Variants in ABCA5 observed in about 807,000 individuals in gnomAD.
ABCA5 encodes the protein ATP binding cassette subfamily A member 5, also known as cholesterol transporter ABCA5.
In ABCA5, 163 loss-of-function variants were observed where a neutral mutation model predicts 206.0. The observed-to-expected ratio is 0.79, with a 90% CI of 0.70 to 0.90. The LOEUF (loss-of-function observed/expected upper bound fraction) is 0.90. ABCA5 is among the 40% of genes least tolerant of loss of function. ABCA5 has a pLI of 0.00. For missense variants in ABCA5, 1,859 were observed against 1,912.9 expected, an observed-to-expected ratio of 0.97 and a Z score of 0.53; for synonymous variants, 609 against 613.8, an observed-to-expected ratio of 0.99 and a Z score of 0.11.
chr17:69,264,908 A>G lies in ABCA5; in HGVS notation c.3145-3T>C. On this transcript the variant is annotated splice_region_variant and splice_polypyrimidine_tract_variant and intron_variant, in intron 23 of 38. Coordinates refer to ENST00000392676, the MANE Select transcript of ABCA5 (RefSeq NM_172232.4). Reference sequence around the variant, plus strand: ...TTAAGTTGAGTATAAGCTTTGATCTAAAAAAAATGAAAAACAATTTATTAT... The same window carrying G: ...TTAAGTTGAGTATAAGCTTTGATCTGAAAAAAATGAAAAACAATTTATTAT... 7.0e-7 allele frequency: 1 copy of G among 1,422,072 alleles called. No homozygotes were observed. Among genetic ancestry groups the G allele is most frequent in the South Asian group, 1.7e-5 (1 of 60,192 alleles). The allele number at this position is 1,422,072 out of a possible 1,614,324, so 88.1% of individuals were successfully genotyped here. A position where few individuals can be genotyped will look rare whatever the true frequency, so the allele number is the denominator to read the frequency against.
intron 6 of ABCA5, among the ~76,000 whole-genome samples, chr17:69,305,366 T>G (rs2075705250): frequency 6.6e-6 from 1 of 152,212 alleles, no homozygotes; most frequent in African/African-American, 2.4e-5. Flanking sequence ...GCTGCAGTAT[T>G]AAGTTTTATT....
In ABCA5 at chr17:69,289,260, T is replaced by C. The variant is rs1394249706; in HGVS notation, c.1819A>G (p.Ile607Val). 1.9e-6 allele frequency: 3 copies of C among 1,606,424 alleles called. No individual in the cohort carries two copies. Among genetic ancestry groups the C allele is most frequent in the Non-Finnish European group, 2.5e-6 (3 of 1,176,802 alleles). Residue 607 changes from isoleucine (I) to valine (V), a missense_variant, in exon 14 of 39, where the codon ATC (isoleucine) becomes GTC (valine). Coordinates refer to ENST00000392676, the MANE Select transcript of ABCA5 (RefSeq NM_172232.4). ...AATTTTTTAGCTTGGTTATCTTTGATAGTCTGCATGTCTAAATCTAGTAAA... is the reference window on the plus strand; with the variant it reads ...AATTTTTTAGCTTGGTTATCTTTGACAGTCTGCATGTCTAAATCTAGTAAA... ...KVLLDLDMQT[I>V]KDNQAKKLSG... is the part of the protein sequence containing the mutation.
At chr17:69,273,310 C>G (rs1385939298) in intron 20 of ABCA5, among the ~76,000 whole-genome samples, 1 of 151,894 alleles carries the variant, frequency 6.6e-6, no homozygotes, top group Non-Finnish European at 1.5e-5. Flanking sequence ...TACTACAACT[C>G]TTTGTAAAGA....
Position 69,247,618 on chromosome 17 carries a change from T to C in ABCA5, c.4848A>G (p.Gln1616=). ...EQVFVELTKE[Q]EEEDNSCGTL... is the part of the protein sequence containing the mutation. The stretch of plus-strand genomic sequence containing the variant: ...TTCCACAACTATTATCTTCCTCCTC[T>C]TGTTCTTTAGTGAGTTCTACAAAAA... The change falls in exon 39 of 39, where the codon CAA becomes CAG. Residue 1616 remains glutamine, a synonymous_variant. Coordinates refer to ENST00000392676, the MANE Select transcript of ABCA5 (RefSeq NM_172232.4). 5.0e-6 allele frequency: 8 copies of C among 1,610,434 alleles called. No individual in the cohort carries two copies. The highest frequency in any genetic ancestry group is 1.3e-5 in the African/African-American group (1 of 74,896).
At chr17:69,296,991 A>C (rs1287776426) in intron 10 of ABCA5, among the ~76,000 whole-genome samples, 200 bp downstream of exon 10, 1 of 152,170 alleles carries the variant, frequency 6.6e-6, no homozygotes, top group East Asian at 1.9e-4. Context: ...GAAACATAAA[A>C]TTTCAAACCT....
At chr17:69,314,280 G>T in intron 2 of ABCA5, 34 bp downstream of exon 2, 2 of 1,410,636 alleles carry the variant, frequency 1.4e-6, no homozygotes, top group Non-Finnish European at 2.0e-6. Flanking sequence ...AAAATAAACT[G>T]CAAAAAAGCA....
chr17:69,249,727 C>G, intron 37 of ABCA5, 178 bp downstream of exon 37: 2 of 753,774 alleles, frequency 2.7e-6, no homozygotes, highest in Non-Finnish European at 4.1e-6. Context: ...GCCATAGTTT[C>G]TAAAATAAAC....
intron 15 of ABCA5, among the ~76,000 whole-genome samples, chr17:69,287,194 G>A (rs1330819968): frequency 6.6e-6 from 1 of 152,184 alleles, no homozygotes; most frequent in Non-Finnish European, 1.5e-5. Context: ...ACTTTCCCAA[G>A]TAGATATTTC....
chr17:69,259,310 C>G (rs1037217861), intron 28 of ABCA5, among the ~76,000 whole-genome samples: 1 of 151,974 alleles, frequency 6.6e-6, no homozygotes, highest in Non-Finnish European at 1.5e-5. Context: ...TGCCCAAATC[C>G]TAGCAATTTT....
chr17:69,272,711 T>G (rs1254138507), intron 20 of ABCA5, among the ~76,000 whole-genome samples: 1 of 123,822 alleles, frequency 8.1e-6, no homozygotes, highest in Non-Finnish European at 1.9e-5. Context: ...AATTTTCCAT[T>G]AATTTTCCAT....
In ABCA5 at chr17:69,287,601, C is replaced by T; in HGVS notation, c.2041+12G>A. 1 of 1,604,104 alleles carries T rather than the reference C, an allele frequency of 6.2e-7. No homozygotes were observed. The highest frequency in any genetic ancestry group is 8.5e-7 in the Non-Finnish European group (1 of 1,175,304). On this transcript the variant is annotated intron_variant, in intron 15 of 38. Coordinates refer to ENST00000392676, the MANE Select transcript of ABCA5 (RefSeq NM_172232.4). ...ATGATCTCAGCCTTCGAAAATAAAA[C>T]AAAAATCTCACCTGCAAGAATGTCA... is the stretch of plus-strand genomic sequence containing the variant.
intron 23 of ABCA5, 22 bp from the exon 24 acceptor site, chr17:69,264,927 T>C: frequency 7.0e-7 from 1 of 1,428,238 alleles, no homozygotes; most frequent in South Asian, 1.7e-5. Context: ...GAAAAACAAT[T>C]TATTATAATT....
intron 12 of ABCA5, among the ~76,000 whole-genome samples, chr17:69,290,918 T>A (rs1444678174): frequency 6.6e-6 from 1 of 152,168 alleles, no homozygotes; most frequent in Non-Finnish European, 1.5e-5. Context: ...TAGTTCTGAT[T>A]TAATTTCCAA....
At chr17:69,247,765 TATTAAC>T (rs1207848913) in intron 38 of ABCA5, 121 bp from the exon 39 acceptor site, 3 of 510,520 alleles carry the variant, frequency 5.9e-6, no homozygotes, top group Non-Finnish European at 6.9e-6. Context: ...TCAAGAGATT[TATTAAC>T]ATTAACATTA....
intron 1 of ABCA5, among the ~76,000 whole-genome samples, chr17:69,325,011 G>C (rs79634608): frequency 0.013 from 1,964 of 152,176 alleles, 24 homozygotes; most frequent in Non-Finnish European, 0.019. Flanking sequence ...AAAATTTACT[G>C]TAAGGTGGTG....
intron 35 of ABCA5, 68 bp from the exon 36 acceptor site, chr17:69,250,689 T>C (rs1568086941): frequency 8.5e-7 from 1 of 1,181,538 alleles, no homozygotes; most frequent in Non-Finnish European, 1.2e-6. Flanking sequence ...CTCTCACACA[T>C]ATAACTACAT....
chr17:69,271,362 T>C, intron 20 of ABCA5, 73 bp from the exon 21 acceptor site: 1 of 1,422,398 alleles, frequency 7.0e-7, no homozygotes, highest in East Asian at 2.4e-5. Flanking sequence ...GGAAGATAAT[T>C]CTATTTTTAG....
intron 1 of ABCA5, chr17:69,318,888 G>A: frequency 1.4e-6 from 1 of 698,520 alleles, no homozygotes; most frequent in South Asian, 1.4e-5. Context: ...GCAACTAGTG[G>A]GCAACAGAAC....
At chr17:69,322,109 C>G (rs1472645890) in intron 1 of ABCA5, among the ~76,000 whole-genome samples, 1 of 151,998 alleles carries the variant, frequency 6.6e-6, no homozygotes, top group Non-Finnish European at 1.5e-5. Context: ...CAGTGGTTCA[C>G]GCCTGTAATC....
Sources: gnomAD v4.1 joint callset for allele counts (sites outside exome capture counted in the v4.1 genomes callset) on GRCh38, gnomAD v4.1.1 for gene constraint, MANE v1.5 for transcripts, NCBI Gene and HGNC (gene_info 2026-07-23, HGNC 2026-07-21) for gene names.